Variants in EHMT2 observed in about 807,000 individuals in gnomAD.
EHMT2 encodes the protein euchromatic histone lysine methyltransferase 2.
In EHMT2, 59 loss-of-function variants were observed where a neutral mutation model predicts 143.3. The ratio of observed to expected loss-of-function variants is 0.41; its 90% CI spans 0.33 to 0.51. The LOEUF (loss-of-function observed/expected upper bound fraction) is 0.51, where lower values mean the gene tolerates loss of function less well. Among genes scored for constraint, EHMT2 ranks in the 20% least tolerant of loss-of-function variants. The pLI is 0.18. For synonymous variants in EHMT2, 604 were observed against 651.5 expected (o/e 0.93, Z 1.11); for missense variants, 1,174 against 1,645.9 (o/e 0.71, Z 4.96).
intron 25 of EHMT2, 147 bp downstream of exon 25, chr6:31,882,552 G>A (rs1451613432): frequency 8.8e-6 from 7 of 791,600 alleles, no homozygotes; most frequent in Non-Finnish European, 1.5e-5. Context: ...TCAGCTGCAG[G>A]AATAGGGGTC....
rs1167626525 is a variant in EHMT2 at position 31,889,902 on chromosome 6, A to C, written c.865-300T>G. Among the ~76,000 whole-genome samples the C allele has an allele frequency of 6.6e-6, 1 of 152,248 alleles. No homozygotes were observed. The highest frequency in any genetic ancestry group is 1.5e-5 in the Non-Finnish European group (1 of 68,048). ...TGATACCCCTTTTATGATGTTCATA[A>C]ACAGGCAAGACCACCAATGGTTGCT... On this transcript the variant is annotated intron_variant, in intron 7 of 27. Coordinates refer to ENST00000375537, the Ensembl canonical transcript of EHMT2. This position sits in a 1 kb window ranked among gnomAD's most constrained non-coding sequence, Gnocchi z 5.1.
At chr6:31,887,442 G>A (rs1765017979) in intron 15 of EHMT2, 135 bp downstream of exon 15, 1 of 769,554 alleles carries the variant, frequency 1.3e-6, no homozygotes, top group African/African-American at 1.7e-5. Context: ...GGTTACATGT[G>A]TCTTTTCCCC....
intron 2 of EHMT2, 39 bp downstream of exon 2, chr6:31,896,884 G>C (rs756820337): frequency 1.2e-6 from 2 of 1,611,752 alleles, no homozygotes; most frequent in African/African-American, 2.7e-5. Context: ...GTTTAGGGAA[G>C]GTGACGGTCC....
chr6:31,896,853 T>C, intron 2 of EHMT2, 29 bp from the exon 3 acceptor site: 1 of 1,612,284 alleles, frequency 6.2e-7, no homozygotes, highest in Non-Finnish European at 8.5e-7. Context: ...AGTTCAGAGC[T>C]AAGGGCTCAG....
exon 7 of EHMT2, chr6:31,892,498 G>T (rs537945215): frequency 1.2e-6 from 2 of 1,612,990 alleles, no homozygotes; most frequent in East Asian, 2.2e-5. Flanking sequence ...CTCCTCCAGG[G>T]ACCCGGGGTC....
At position 31,881,417 on chromosome 6, in the gene EHMT2, C is replaced by T. The variant is rs1422367562; in HGVS notation, c.3198-325G>A. 1.1e-5 allele frequency: 5 copies of T among 459,060 alleles called. No individual in the cohort carries two copies. The highest frequency in any genetic ancestry group is 4.1e-5 in the East Asian group (1 of 24,348). 28.4% of individuals were successfully genotyped at this position (459,060 alleles called of 1,614,324 possible). ...CCAGGAGCCACCCGGCAGGAATGGGCGATATGGAACAGGAGAGGGGCCAGG... is the reference window on the plus strand; with the variant it reads ...CCAGGAGCCACCCGGCAGGAATGGGTGATATGGAACAGGAGAGGGGCCAGG... On this transcript the variant is annotated intron_variant, in intron 25 of 27. Transcript: ENST00000375537. The surrounding 1 kb of genome is among the most constrained non-coding windows in gnomAD (Gnocchi z 4.8).
exon 3 of EHMT2, chr6:31,896,630 G>C (rs1217013429): frequency 6.3e-7 from 1 of 1,586,216 alleles, no homozygotes; most frequent in Admixed American, 1.7e-5. Flanking sequence ...CCCCCACGGA[G>C]GTCCCCATCT....
At position 31,887,787 on chromosome 6, in the gene EHMT2, C is replaced by T. The variant is rs147034415; in HGVS notation, c.1920G>A (p.Glu640=). The T allele has an allele frequency of 2.5e-6, 4 of 1,600,658 alleles. No individual in the cohort carries two copies. The African/African-American group carries it at 5.3e-5, about 21-fold the overall frequency. Reference sequence around the variant, plus strand: ...AGCAACTCCCCACTCACCTCTCTGACTCCTGGATGACCAGGGCCTTTTCCA... The same window carrying T: ...AGCAACTCCCCACTCACCTCTCTGATTCCTGGATGACCAGGGCCTTTTCCA... The change falls in exon 14 of 28, where the codon GAG becomes GAA. Residue 640 remains glutamate, a synonymous_variant. Coordinates refer to ENST00000375537, the Ensembl canonical transcript of EHMT2.
chr6:31,886,740 C>T (rs1228654651), intron 17 of EHMT2, 35 bp downstream of exon 17: 46 of 1,613,864 alleles, frequency 2.9e-5, no homozygotes, highest in Non-Finnish European at 3.1e-5. Context: ...TGGTCCCTGA[C>T]TCCGGGGGCC....
At position 31,881,488 on chromosome 6, in the gene EHMT2, C is replaced by A; in HGVS notation, c.3198-396G>T. ...TACAGGAGTGGCAAGGAACTCAAGG[C>A]ATGATTCGGGGCAAGAGCACCCACA... On this transcript the variant is annotated intron_variant, in intron 25 of 27. Transcript: ENST00000375537. The surrounding 1 kb of genome is among the most constrained non-coding windows in gnomAD (Gnocchi z 4.8). 3.3e-6 allele frequency: 1 copy of A among 301,734 alleles called. No individual in the cohort carries two copies. The highest frequency in any genetic ancestry group is 4.1e-5 in the South Asian group (1 of 24,378). The allele number at this position is 301,734 out of a possible 1,614,324, so 18.7% of individuals were successfully genotyped here.
At position 31,881,530 on chromosome 6, in the gene EHMT2, A is replaced by C; in HGVS notation, c.3198-438T>G. 1 of 238,222 alleles carries C rather than the reference A, an allele frequency of 4.2e-6. No homozygotes were observed. The highest frequency in any genetic ancestry group is 9.0e-5 in the East Asian group (1 of 11,090). The allele number at this position is 238,222 out of a possible 1,614,324, so 14.8% of individuals were successfully genotyped here. A position where few individuals can be genotyped will look rare whatever the true frequency, so the allele number is the denominator to read the frequency against. ...GCACCCACACATATCTGGACACCAG[A>C]GGGAGGAGAGGAGCCAGCTATCTAA... On this transcript the variant is annotated intron_variant, in intron 25 of 27. Transcript: ENST00000375537. This position sits in a 1 kb window ranked among gnomAD's most constrained non-coding sequence, Gnocchi z 4.8.
At chr6:31,897,040 G>C (rs947650214) in intron 1 of EHMT2, 51 bp from the exon 2 acceptor site, 1 of 1,517,848 alleles carries the variant, frequency 6.6e-7, no homozygotes, top group Non-Finnish European at 8.8e-7. Context: ...GTAGAGAGTT[G>C]GGGGGTCCAG....
Position 31,892,576 on chromosome 6 carries a change from A to C in EHMT2, c.709-14T>G, listed in dbSNP as rs756136965. 1 of 1,612,784 alleles carries C rather than the reference A, an allele frequency of 6.2e-7. No individual in the cohort carries two copies. Among genetic ancestry groups the C allele is most frequent in the East Asian group, 2.2e-5 (1 of 44,878 alleles). On this transcript the variant is annotated splice_polypyrimidine_tract_variant and intron_variant, in intron 6 of 27. Transcript: ENST00000375537. ...TAACTCCTCTGACTAGAAAAAGATCAGAAAAATTGAGGCCACTGACACCCT... is the reference window on the plus strand; with the variant it reads ...TAACTCCTCTGACTAGAAAAAGATCCGAAAAATTGAGGCCACTGACACCCT...
In EHMT2 at chr6:31,888,726, G is replaced by A. The variant is rs773434239; in HGVS notation, c.1238C>T (p.Ser413Leu). 4.3e-6 allele frequency: 7 copies of A among 1,613,288 alleles called. No homozygotes were observed. The highest frequency in any genetic ancestry group is 2.2e-5 in the East Asian group (1 of 44,884). The change falls in exon 11 of 28, where the codon TCG (serine) becomes TTG (leucine). Residue 413 changes from serine to leucine, a missense_variant. Ser to Leu is a moderately radical substitution (Grantham distance 145, BLOSUM62 -2). Around this residue, in one of 6 missense-constraint regions of EHMT2, gnomAD observed 608 missense variants for 903.7 expected, o/e 0.67. Coordinates refer to ENST00000375537, the Ensembl canonical transcript of EHMT2. This position sits in a 1 kb window ranked among gnomAD's most constrained non-coding sequence, Gnocchi z 7.4. ...CTCAAACCCTCGCTCTGTCTCCAGC[G>A]AAGATGTGTCATTGGACACCCCTTG...
intron 4 of EHMT2, 164 bp downstream of exon 4, chr6:31,896,099 C>T: frequency 1.1e-6 from 1 of 938,976 alleles, no homozygotes; most frequent in Admixed American, 3.0e-5. Flanking sequence ...AAGAGAGGAA[C>T]CTGTCTGTTG....
At chr6:31,886,427 A>C (rs1764852547) in intron 18 of EHMT2, 154 bp downstream of exon 18, 1 of 628,862 alleles carries the variant, frequency 1.6e-6, no homozygotes, top group East Asian at 2.8e-5. Context: ...AAAGAAAAGA[A>C]TGAAGAGAAA....
intron 15 of EHMT2, 140 bp downstream of exon 15, chr6:31,887,437 C>T: frequency 1.4e-6 from 1 of 736,364 alleles, no homozygotes; most frequent in Non-Finnish European, 2.3e-6. Flanking sequence ...TTATGGGTTA[C>T]ATGTGTCTTT....
At chr6:31,897,122 G>A in intron 1 of EHMT2, 133 bp from the exon 2 acceptor site, 1 of 1,403,022 alleles carries the variant, frequency 7.1e-7, no homozygotes, top group Non-Finnish European at 9.3e-7. Flanking sequence ...CCCCCCTTCC[G>A]CGGCCTCGGC....
chr6:31,887,730 T>C, intron 14 of EHMT2, 49 bp downstream of exon 14: 1 of 1,605,086 alleles, frequency 6.2e-7, no homozygotes, highest in South Asian at 1.1e-5. Flanking sequence ...TCGACACCAC[T>C]CCTCTGGCCT....
Sources: allele counts gnomAD v4.1 joint callset (sites outside exome capture counted in the v4.1 genomes callset), GRCh38; gene constraint gnomAD v4.1.1; regional missense constraint gnomAD v4.1.1; non-coding constraint Gnocchi (gnomAD v3.1); transcripts MANE v1.5; gene names NCBI Gene and HGNC (gene_info 2026-07-23, HGNC 2026-07-21).